Variants in VWC2L observed in about 807,000 individuals in gnomAD.
The protein encoded by VWC2L is von Willebrand factor C domain containing 2 like.
A neutral mutation model predicts 21.6 loss-of-function variants in VWC2L; 10 were observed. The observed-to-expected ratio is 0.46, with a 90% CI of 0.29 to 0.78. The LOEUF (loss-of-function observed/expected upper bound fraction) is 0.78. Among genes scored for constraint, VWC2L ranks in the 30% least tolerant of loss-of-function variants. VWC2L has a pLI of 0.10. For missense variants in VWC2L, 209 were observed against 277.1 expected, an observed-to-expected ratio of 0.75 and a Z score of 1.74; for synonymous variants, 96 against 94.3, an observed-to-expected ratio of 1.02 and a Z score of -0.10.
At chr2:214,461,209 A>C (rs1325049746) in intron 3 of VWC2L, among the ~76,000 whole-genome samples, 1 of 152,022 alleles carries the variant, frequency 6.6e-6, no homozygotes, top group Admixed American at 6.6e-5. Flanking sequence ...CACTGGTGGT[A>C]GTGGATTTAA....
chr2:214,414,775 A>G (rs1023824923), intron 2 of VWC2L, 192 bp downstream of exon 2: 3 of 632,548 alleles, frequency 4.7e-6, no homozygotes, highest in Middle Eastern at 4.3e-4. Flanking sequence ...CATATTTGTT[A>G]AGTTGCACAA....
chr2:214,419,607 T>G (rs552476025), intron 2 of VWC2L, among the ~76,000 whole-genome samples: 20 of 152,322 alleles, frequency 1.3e-4, no homozygotes, highest in African/African-American at 4.8e-4. Flanking sequence ...CCAGTGTCCC[T>G]AATTCAGGAT....
chr2:214,520,414 G>A (rs1054903398), intron 3 of VWC2L, among the ~76,000 whole-genome samples: 1 of 151,974 alleles, frequency 6.6e-6, no homozygotes, highest in Non-Finnish European at 1.5e-5. Flanking sequence ...GTTTCATTAT[G>A]GTGGACAGTA....
chr2:214,411,521 T>A lies in VWC2L; in HGVS notation c.-346T>A, dbSNP rs796291617. The A allele has an allele frequency of 2.0e-5, 3 of 152,358 alleles. 1 individual carries two copies. The highest frequency in any genetic ancestry group is 7.2e-5 in the African/African-American group (3 of 41,590). 9.4% of individuals were successfully genotyped at this position (152,358 alleles called of 1,614,324 possible). A position where few individuals can be genotyped will look rare whatever the true frequency, so the allele number is the denominator to read the frequency against. ...GGGTCTGGATTTCTACAGGACCAGC[T>A]TTGCTTCTTGCTTTGAATTCTGAAG... On this transcript the variant is annotated 5_prime_UTR_variant, in exon 1 of 4. Transcript: ENST00000312504.
intron 3 of VWC2L, among the ~76,000 whole-genome samples, chr2:214,488,300 G>T (rs1688699021): frequency 6.6e-6 from 1 of 152,112 alleles, no homozygotes; most frequent in African/African-American, 2.4e-5. Flanking sequence ...AATTCAACCT[G>T]GTCAAGAAGT....
chr2:214,417,742 A>G (rs1702378954), intron 2 of VWC2L, among the ~76,000 whole-genome samples: 1 of 152,222 alleles, frequency 6.6e-6, no homozygotes, highest in Non-Finnish European at 1.5e-5. Flanking sequence ...ATTCATCTGA[A>G]GAATAATAGG....
chr2:214,566,243 A>G (rs1690060352), intron 3 of VWC2L, among the ~76,000 whole-genome samples: 2 of 152,318 alleles, frequency 1.3e-5, no homozygotes, highest in South Asian at 4.1e-4. Flanking sequence ...GAGACTAGAC[A>G]GCTACAGCTG....
intron 3 of VWC2L, among the ~76,000 whole-genome samples, chr2:214,537,293 C>T (rs563967310): frequency 2.0e-5 from 3 of 152,008 alleles, no homozygotes; most frequent in Non-Finnish European, 2.9e-5. Context: ...CACATTTTCT[C>T]GATCCATTCA....
chr2:214,511,933 CA>C (rs1689062822), intron 3 of VWC2L, among the ~76,000 whole-genome samples: 1 of 149,862 alleles, frequency 6.7e-6, no homozygotes, highest in South Asian at 2.1e-4. Flanking sequence ...CACACACACA[CA>C]CACACACACA....
At chr2:214,455,526 A>G (rs1703043996) in intron 3 of VWC2L, among the ~76,000 whole-genome samples, 1 of 152,202 alleles carries the variant, frequency 6.6e-6, no homozygotes, top group African/African-American at 2.4e-5. Context: ...ACTAGCATTT[A>G]TCATTGCTAT....
chr2:214,467,079 G>T lies in VWC2L; in HGVS notation c.520+30321G>T, dbSNP rs142162805. On this transcript the variant is annotated intron_variant, in intron 3 of 3. Coordinates refer to ENST00000312504, the MANE Select transcript of VWC2L (RefSeq NM_001080500.4). ...GAAATACTTTCCTCTTTTTATGCCT[G>T]GCTTTTAAGATTTGTTCAGCATTAC... Among the ~76,000 whole-genome samples, 13 of 152,250 alleles carry T rather than the reference G, an allele frequency of 8.5e-5. No homozygotes were observed. In the East Asian group the frequency reaches 2.5e-3, roughly 29 times the overall value.
chr2:214,555,623 T>G (rs1199781030), intron 3 of VWC2L, among the ~76,000 whole-genome samples: 1 of 152,184 alleles, frequency 6.6e-6, no homozygotes, highest in African/African-American at 2.4e-5. Context: ...GGGATATCTT[T>G]GAGCTAAGAG....
chr2:214,557,934 C>T (rs779541188), intron 3 of VWC2L, among the ~76,000 whole-genome samples: 2 of 152,214 alleles, frequency 1.3e-5, no homozygotes, highest in African/African-American at 2.4e-5. Context: ...TCCCTCTGCA[C>T]TGTCTCTTAC....
chr2:214,528,603 A>G (rs1177116057), intron 3 of VWC2L, among the ~76,000 whole-genome samples: 1 of 147,630 alleles, frequency 6.8e-6, no homozygotes, highest in Non-Finnish European at 1.5e-5. Context: ...TTTTTTTTTT[A>G]TAGTCTGCTT....
chr2:214,413,080 T>C (rs540493389), intron 1 of VWC2L, among the ~76,000 whole-genome samples: 1 of 152,146 alleles, frequency 6.6e-6, no homozygotes, highest in East Asian at 1.9e-4. Context: ...AGAGTCAGTG[T>C]CACAAAATTA....
intron 3 of VWC2L, among the ~76,000 whole-genome samples, chr2:214,562,076 G>T (rs1353767725): frequency 1.3e-5 from 2 of 151,764 alleles, no homozygotes; most frequent in Non-Finnish European, 2.9e-5. Flanking sequence ...ATAATGATTT[G>T]CTGCACCTAT....
At chr2:214,429,656 A>G (rs921460694) in intron 2 of VWC2L, among the ~76,000 whole-genome samples, 1 of 152,006 alleles carries the variant, frequency 6.6e-6, no homozygotes, top group Non-Finnish European at 1.5e-5. Flanking sequence ...ATTTTGGAAA[A>G]AGCTGCATTT....
chr2:214,544,322 G>C (rs1237736549), intron 3 of VWC2L, among the ~76,000 whole-genome samples: 1 of 152,200 alleles, frequency 6.6e-6, no homozygotes, highest in Non-Finnish European at 1.5e-5. Flanking sequence ...TGTTTAGCTA[G>C]AACCAAGTAC....
chr2:214,570,607 C>G (rs1279472186), intron 3 of VWC2L, among the ~76,000 whole-genome samples: 2 of 152,110 alleles, frequency 1.3e-5, no homozygotes, highest in African/African-American at 4.8e-5. Flanking sequence ...AAGCAATCCA[C>G]CCACCTTGAC....
Sources: allele counts gnomAD v4.1 joint callset (sites outside exome capture counted in the v4.1 genomes callset), GRCh38; gene constraint gnomAD v4.1.1; transcripts MANE v1.5; gene names NCBI Gene and HGNC (gene_info 2026-07-23, HGNC 2026-07-21).